Variants in ACOT7 observed in about 807,000 individuals in gnomAD.
ACOT7 encodes acyl-CoA thioesterase 7, also known as cytosolic acyl coenzyme A thioester hydrolase.
ACOT7 carries 12 observed loss-of-function variants against 40.2 expected under a neutral mutation model. That is an observed-to-expected ratio of 0.30 (90% CI 0.19 to 0.48). ACOT7 has a LOEUF of 0.48. Ranked by LOEUF, ACOT7 falls within the 20% of genes least tolerant of loss-of-function variation. The pLI, the probability that ACOT7 is intolerant of heterozygous loss-of-function variation, is 0.99. For synonymous variants in ACOT7, 228 were observed against 219.5 expected, an observed-to-expected ratio of 1.04 and a Z score of -0.34; for missense variants, 395 against 530.8, an observed-to-expected ratio of 0.74 and a Z score of 2.51.
chr1:6,313,775 A>G (rs1640408273), intron 6 of ACOT7, among the ~76,000 whole-genome samples: 2 of 151,986 alleles, frequency 1.3e-5, no homozygotes, highest in South Asian at 2.1e-4. Flanking sequence ...GGGGCTGCCT[A>G]TCGGCTGTGG....
rs181178756 is a variant in ACOT7 at position 6,292,517 on chromosome 1, T to A, written c.829+2347A>T. Among the ~76,000 whole-genome samples, 6 of 152,298 alleles carry A rather than the reference T, an allele frequency of 3.9e-5. No individual in the cohort carries two copies. The East Asian group carries it at 7.7e-4, about 20-fold the overall frequency. ...ATGTCTTCTAGGTTGCTAAGTTAATTCCTGGAAAAAGCATTCGACCCAGAC... is the reference window on the plus strand; with the variant it reads ...ATGTCTTCTAGGTTGCTAAGTTAATACCTGGAAAAAGCATTCGACCCAGAC... On this transcript the variant is annotated intron_variant, in intron 7 of 8. Coordinates refer to ENST00000361521, the MANE Select transcript of ACOT7 (RefSeq NM_007274.4).
chr1:6,339,325 TG>T, intron 3 of ACOT7, 107 bp downstream of exon 3: 5 of 1,491,590 alleles, frequency 3.4e-6, no homozygotes, highest in Non-Finnish European at 4.6e-6. Context: ...GAGGTCTCAT[TG>T]GTGGAAAAGG....
chr1:6,359,121 C>G lies in ACOT7; in HGVS notation c.144-9255G>C, dbSNP rs1641829743. 1 of 344,978 alleles carries G rather than the reference C, an allele frequency of 2.9e-6. No homozygotes were observed. The highest frequency in any genetic ancestry group is 3.9e-5 in the South Asian group (1 of 25,726). 21.4% of individuals were successfully genotyped at this position (344,978 alleles called of 1,614,324 possible). A position where few individuals can be genotyped will look rare whatever the true frequency, so the allele number is the denominator to read the frequency against. On this transcript the variant is annotated intron_variant, in intron 1 of 8. Transcript: ENST00000361521. This position sits in a 1 kb window ranked among gnomAD's most constrained non-coding sequence, Gnocchi z 4.1. ...TCTGTGAGCTCTTCTGGCTGCCATG[C>G]CAGGAGATCAGGAAGGCAGAGGGGC...
intron 8 of ACOT7, among the ~76,000 whole-genome samples, chr1:6,270,776 C>T (rs1470824114): frequency 1.3e-5 from 2 of 152,132 alleles, no homozygotes; most frequent in African/African-American, 4.8e-5. Flanking sequence ...GTGTGGTGGT[C>T]CTGCTGTCCT....
intron 3 of ACOT7, among the ~76,000 whole-genome samples, chr1:6,335,105 C>A (rs559739982): frequency 2.0e-5 from 3 of 151,912 alleles, no homozygotes; most frequent in South Asian, 4.2e-4. Context: ...CCGAGGCAGG[C>A]GGATCACCTG....
rs58594477 is a variant in ACOT7 at position 6,344,763 on chromosome 1, C to CAA, written c.261+4984_261+4985dup. Among the ~76,000 whole-genome samples, 51 of 56,004 alleles carry CAA rather than the reference C, an allele frequency of 9.1e-4. 1 individual carries two copies. Among genetic ancestry groups the CAA allele is most frequent in the Non-Finnish European group, 1.8e-3 (39 of 21,826 alleles). The allele number at this position is 56,004 out of a possible 152,430, so 36.7% of individuals were successfully genotyped here. A position where few individuals can be genotyped will look rare whatever the true frequency, so the allele number is the denominator to read the frequency against. On this transcript the variant is annotated intron_variant, in intron 2 of 8. Coordinates refer to ENST00000361521, the MANE Select transcript of ACOT7 (RefSeq NM_007274.4). Reference sequence around the variant, plus strand: ...TGGGCGACAGAGCAAGACTCTGTCTCAAAAAAAAAAAAAAAAAAAAAAAAA... The same window carrying CAA: ...TGGGCGACAGAGCAAGACTCTGTCTCAAAAAAAAAAAAAAAAAAAAAAAAAAA...
At chr1:6,314,926 A>T (rs1640443197) in intron 6 of ACOT7, among the ~76,000 whole-genome samples, 1 of 148,068 alleles carries the variant, frequency 6.8e-6, no homozygotes, top group African/African-American at 2.6e-5. Context: ...CTGCACACAC[A>T]CCATCATCAA....
At chr1:6,376,113 T>G (rs6577574) in intron 1 of ACOT7, among the ~76,000 whole-genome samples, 1 of 151,388 alleles carries the variant, frequency 6.6e-6, no homozygotes, top group Non-Finnish European at 1.5e-5. Flanking sequence ...AAATTAGCCA[T>G]GCGTGGTGGC....
intron 1 of ACOT7, among the ~76,000 whole-genome samples, chr1:6,362,613 C>T (rs1641915302): frequency 6.6e-6 from 1 of 152,122 alleles, no homozygotes; most frequent in Non-Finnish European, 1.5e-5. Flanking sequence ...TCAAGGAGAA[C>T]TCCGCAACGA....
At position 6,393,452 on chromosome 1, in the gene ACOT7, G is replaced by A. The variant is rs1162598394; in HGVS notation, c.-53C>T. The A allele has an allele frequency of 2.8e-5, 30 of 1,062,022 alleles. No homozygotes were observed. Among genetic ancestry groups the A allele is most frequent in the Non-Finnish European group, 3.2e-5 (29 of 904,518 alleles). 65.8% of individuals were successfully genotyped at this position (1,062,022 alleles called of 1,614,324 possible). ...GGGGCTGGTGAGGCGGGGCCTGCGC[G>A]CCGGGGGCAATCGAACGCGGCCTCC... On this transcript the variant is annotated 5_prime_UTR_variant, in exon 1 of 9. Transcript: ENST00000361521.
intron 2 of ACOT7, among the ~76,000 whole-genome samples, chr1:6,345,869 G>A (rs940716364): frequency 2.6e-5 from 4 of 152,226 alleles, no homozygotes; most frequent in Non-Finnish European, 5.9e-5. Context: ...CGGGCTCATC[G>A]TAAGCGCTTA....
At position 6,374,977 on chromosome 1, in the gene ACOT7, T is replaced by C. The variant is rs558929718; in HGVS notation, c.143+18280A>G. On this transcript the variant is annotated intron_variant, in intron 1 of 8. Transcript: ENST00000361521. ...AAGATTTCAGCTCTGAGAAAGACAC[T>C]GTTAAGATAATGGAGACAGGCCGGG... Among the ~76,000 whole-genome samples the C allele has an allele frequency of 3.9e-5, 6 of 152,258 alleles. No individual in the cohort carries two copies. In the East Asian group the frequency reaches 7.7e-4, roughly 20 times the overall value.
At chr1:6,328,936 C>G (rs1045831124) in intron 4 of ACOT7, among the ~76,000 whole-genome samples, 3 of 152,244 alleles carry the variant, frequency 2.0e-5, no homozygotes, top group African/African-American at 7.2e-5. Flanking sequence ...TTCTCCCTCC[C>G]CCTTGGCCTG....
chr1:6,298,073 G>A (rs1012694230), intron 6 of ACOT7, among the ~76,000 whole-genome samples: 4 of 152,194 alleles, frequency 2.6e-5, no homozygotes, highest in African/African-American at 9.7e-5. Flanking sequence ...ACTTTCGCCT[G>A]TCCTTTCAAA....
intron 2 of ACOT7, among the ~76,000 whole-genome samples, chr1:6,340,721 T>C (rs751619557): frequency 4.6e-5 from 7 of 152,204 alleles, no homozygotes; most frequent in Non-Finnish European, 1.0e-4. Context: ...GCCTGTGTTG[T>C]GACACATTCT....
intron 6 of ACOT7, among the ~76,000 whole-genome samples, chr1:6,314,496 G>A (rs1488533330): frequency 2.0e-5 from 3 of 151,954 alleles, no homozygotes; most frequent in East Asian, 1.9e-4. Context: ...GCCTTGAACA[G>A]GGCTACCGGC....
chr1:6,366,818 G>T (rs1009738393), intron 1 of ACOT7, among the ~76,000 whole-genome samples: 2 of 151,952 alleles, frequency 1.3e-5, no homozygotes, highest in South Asian at 2.1e-4. Flanking sequence ...ACCACACCAG[G>T]CTAATTTTTT....
At chr1:6,360,800 C>A (rs914438231) in intron 1 of ACOT7, 2 of 1,471,790 alleles carry the variant, frequency 1.4e-6, no homozygotes, top group African/African-American at 2.8e-5. Flanking sequence ...ACCCTTCCAG[C>A]TGGTCCCAGT....
intron 1 of ACOT7, among the ~76,000 whole-genome samples, chr1:6,364,649 A>G (rs1641961833): frequency 6.6e-6 from 1 of 151,732 alleles, no homozygotes; most frequent in Non-Finnish European, 1.5e-5. Flanking sequence ...AGAAATCGAG[A>G]CTATCCTGGC....
Sources: allele counts gnomAD v4.1 joint callset (sites outside exome capture counted in the v4.1 genomes callset), GRCh38; gene constraint gnomAD v4.1.1; non-coding constraint Gnocchi (gnomAD v3.1); transcripts MANE v1.5; gene names NCBI Gene and HGNC (gene_info 2026-07-23, HGNC 2026-07-21).